CTNNA2: variants seen among roughly 807,000 people sequenced by gnomAD.
CTNNA2 encodes catenin alpha 2, also known as catenin alpha-2.
In CTNNA2, 42 loss-of-function variants were observed where a neutral mutation model predicts 101.0. The observed-to-expected ratio is 0.42, with a 90% CI of 0.32 to 0.54. The LOEUF (loss-of-function observed/expected upper bound fraction) is 0.54. Ranked by LOEUF, CTNNA2 falls within the 20% of genes least tolerant of loss-of-function variation. The pLI is 0.14. For synonymous variants in CTNNA2, 450 were observed against 456.4 expected (o/e 0.99, Z 0.18); for missense variants, 871 against 1,223.1 (o/e 0.71, Z 4.29).
At chr2:79,916,961 T>C (rs1686280061) in intron 7 of CTNNA2, among the ~76,000 whole-genome samples, 1 of 152,072 alleles carries the variant, frequency 6.6e-6, no homozygotes, top group African/African-American at 2.4e-5. Flanking sequence ...TTGTTTTGTT[T>C]TTTGAGACGG....
chr2:79,324,113 C>T (rs1558626351), intron 3 of CTNNA2, among the ~76,000 whole-genome samples: 1 of 152,186 alleles, frequency 6.6e-6, no homozygotes, highest in African/African-American at 2.4e-5. Flanking sequence ...CAGTGTCCTG[C>T]TCTTTTATAA....
chr2:80,128,012 C>A (rs1433877222), intron 7 of CTNNA2, among the ~76,000 whole-genome samples: 1 of 151,692 alleles, frequency 6.6e-6, no homozygotes, highest in Non-Finnish European at 1.5e-5. Context: ...TGTCATGGCT[C>A]ACTCTGCTCA....
chr2:80,633,166 ACAT>A (rs796514454), intron 18 of CTNNA2, among the ~76,000 whole-genome samples: 41 of 152,320 alleles, frequency 2.7e-4, no homozygotes, highest in African/African-American at 9.1e-4. Context: ...TATCAGCCTC[ACAT>A]CATTTCGTGG....
chr2:79,793,995 AG>A (rs1309111661), intron 3 of CTNNA2, among the ~76,000 whole-genome samples: 3 of 151,600 alleles, frequency 2.0e-5, no homozygotes, highest in African/African-American at 7.3e-5. Flanking sequence ...AAGGGTGGGA[AG>A]GGGGTGAGGG....
At chr2:80,218,392 C>T (rs1708392138) in intron 7 of CTNNA2, among the ~76,000 whole-genome samples, 1 of 152,236 alleles carries the variant, frequency 6.6e-6, no homozygotes, top group African/African-American at 2.4e-5. Context: ...AATCCGACAG[C>T]AGTTTATGGA....
intron 7 of CTNNA2, among the ~76,000 whole-genome samples, chr2:80,267,063 A>G (rs1306509163): frequency 6.6e-6 from 1 of 152,092 alleles, no homozygotes; most frequent in Non-Finnish European, 1.5e-5. Context: ...AAAAACACCT[A>G]TGTCAGGCTC....
At chr2:80,402,773 A>AT (rs1678677071) in intron 8 of CTNNA2, among the ~76,000 whole-genome samples, 2 of 147,992 alleles carry the variant, frequency 1.4e-5, no homozygotes, top group Non-Finnish European at 3.0e-5. Flanking sequence ...AATTTATAAT[A>AT]TATAAATTAT....
intron 1 of CTNNA2, among the ~76,000 whole-genome samples, chr2:79,609,989 C>A (rs1428849471): frequency 2.0e-5 from 3 of 151,962 alleles, no homozygotes; most frequent in Non-Finnish European, 4.4e-5. Flanking sequence ...AGGAAAAGAT[C>A]AGCCATAGAC....
chr2:79,799,832 A>G (rs1299647371), intron 3 of CTNNA2, among the ~76,000 whole-genome samples: 1 of 152,174 alleles, frequency 6.6e-6, no homozygotes, highest in Non-Finnish European at 1.5e-5. Flanking sequence ...TTTATTTTAT[A>G]TGTCATAAAA....
intron 3 of CTNNA2, among the ~76,000 whole-genome samples, chr2:79,363,279 G>T (rs1350327528): frequency 2.0e-5 from 3 of 152,158 alleles, no homozygotes; most frequent in Non-Finnish European, 2.9e-5. Context: ...GCTCTCTACT[G>T]TCTATTTTTT....
intron 18 of CTNNA2, among the ~76,000 whole-genome samples, chr2:80,641,155 A>G (rs1434052102): frequency 3.3e-5 from 5 of 152,204 alleles, no homozygotes; most frequent in African/African-American, 1.2e-4. Flanking sequence ...TCCTTCTTCC[A>G]GGCATTTCTA....
At chr2:79,393,475 C>T (rs186502599) in intron 4 of CTNNA2, among the ~76,000 whole-genome samples, 29 of 152,126 alleles carry the variant, frequency 1.9e-4, no homozygotes, top group African/African-American at 7.0e-4. Context: ...AGAATTGAGT[C>T]GTTGTGGCAG....
intron 4 of CTNNA2, among the ~76,000 whole-genome samples, chr2:79,465,451 G>T (rs193298165): frequency 0.012 from 1,886 of 152,270 alleles, 17 homozygotes; most frequent in Non-Finnish European, 0.015. Flanking sequence ...GCTTAGGATT[G>T]TCTTGGCAAT....
At chr2:79,885,946 C>A (rs535545053) in intron 6 of CTNNA2, among the ~76,000 whole-genome samples, 1 of 152,312 alleles carries the variant, frequency 6.6e-6, no homozygotes, top group African/African-American at 2.4e-5. Context: ...GATTTTATAT[C>A]TCTTAGGATA....
At chr2:80,578,286 T>C (rs1695236053) in intron 13 of CTNNA2, among the ~76,000 whole-genome samples, 1 of 152,184 alleles carries the variant, frequency 6.6e-6, no homozygotes, top group South Asian at 2.1e-4. Context: ...TTTCTGTTTA[T>C]TGAAAAAAGC....
intron 1 of CTNNA2, among the ~76,000 whole-genome samples, chr2:79,519,991 A>G (rs1191553812): frequency 6.6e-6 from 1 of 152,222 alleles, no homozygotes; most frequent in East Asian, 1.9e-4. Context: ...CTTTAAGGTT[A>G]ATATTTCTGC....
intron 9 of CTNNA2, among the ~76,000 whole-genome samples, chr2:80,433,869 G>A (rs1425372739): frequency 6.6e-6 from 1 of 152,100 alleles, no homozygotes; most frequent in Non-Finnish European, 1.5e-5. Flanking sequence ...TAGTTTTCAG[G>A]GGAAAAACTG....
chr2:79,408,505 C>G (rs2104488045), intron 4 of CTNNA2, among the ~76,000 whole-genome samples: 1 of 144,528 alleles, frequency 6.9e-6, no homozygotes, highest in South Asian at 2.3e-4. Context: ...CTTTCTGTGT[C>G]CATGTGCTCT....
intron 3 of CTNNA2, among the ~76,000 whole-genome samples, chr2:79,853,730 G>A (rs1484553512): frequency 2.0e-5 from 3 of 148,574 alleles, no homozygotes; most frequent in East Asian, 4.0e-4. Context: ...GGGCAATGGC[G>A]TGATCTTGGC....
Sources: gnomAD v4.1 joint callset for allele counts (sites outside exome capture counted in the v4.1 genomes callset) on GRCh38, gnomAD v4.1.1 for gene constraint, MANE v1.5 for transcripts, NCBI Gene and HGNC (gene_info 2026-07-23, HGNC 2026-07-21) for gene names.